Variants in GRIA2 observed in about 807,000 individuals in gnomAD.
GRIA2 encodes the protein glutamate ionotropic receptor AMPA type subunit 2, also known as glutamate receptor 2.
Under a neutral mutation model 97.3 loss-of-function variants are expected in GRIA2, and 14 were observed. The ratio of observed to expected loss-of-function variants is 0.14; its 90% CI spans 0.10 to 0.23. GRIA2 has a LOEUF of 0.23. Among genes scored for constraint, GRIA2 ranks in the 10% least tolerant of loss-of-function variants. GRIA2 has a pLI of 1.00. For missense variants in GRIA2, 558 were observed against 1,069.8 expected, an observed-to-expected ratio of 0.52 and a Z score of 6.67; for synonymous variants, 412 against 387.8, an observed-to-expected ratio of 1.06 and a Z score of -0.73.
At chr4:157,234,081 G>T (rs774089603) in intron 2 of GRIA2, among the ~76,000 whole-genome samples, 6 of 152,036 alleles carry the variant, frequency 3.9e-5, no homozygotes, top group Non-Finnish European at 7.4e-5. Context: ...CTATGACTTT[G>T]TATTAATCAG....
At chr4:157,352,878 G>A (rs1490251299) in intron 12 of GRIA2, among the ~76,000 whole-genome samples, 2 of 151,888 alleles carry the variant, frequency 1.3e-5, no homozygotes, top group Non-Finnish European at 1.5e-5. Flanking sequence ...GACCAGCATA[G>A]TGAAACCCTG....
At chr4:157,350,895 TG>T (rs1421706541) in intron 12 of GRIA2, among the ~76,000 whole-genome samples, 2 of 151,816 alleles carry the variant, frequency 1.3e-5, no homozygotes, top group African/African-American at 4.8e-5. Flanking sequence ...TGCCAGATTT[TG>T]CATTCACTCC....
intron 14 of GRIA2, chr4:157,362,290 C>T: frequency 2.4e-6 from 1 of 418,548 alleles, no homozygotes; most frequent in Non-Finnish European, 4.8e-6. Flanking sequence ...TTTATCTTAG[C>T]CATCTTAGTA....
intron 3 of GRIA2, among the ~76,000 whole-genome samples, chr4:157,307,279 C>T (rs1162870026): frequency 6.6e-6 from 1 of 152,220 alleles, no homozygotes; most frequent in East Asian, 1.9e-4. Flanking sequence ...TCCTGGCTAT[C>T]TGCCACAATG....
chr4:157,343,329 T>C (rs913123096), intron 12 of GRIA2, among the ~76,000 whole-genome samples: 1 of 152,082 alleles, frequency 6.6e-6, no homozygotes, highest in Non-Finnish European at 1.5e-5. Context: ...TTGATATCTG[T>C]GCATTATTAA....
At chr4:157,355,196 A>C (rs1736191664) in intron 12 of GRIA2, among the ~76,000 whole-genome samples, 1 of 152,204 alleles carries the variant, frequency 6.6e-6, no homozygotes, top group African/African-American at 2.4e-5. Flanking sequence ...ACTTGCTTAA[A>C]GAATGATTGT....
At chr4:157,330,446 G>A (rs754225359) in intron 6 of GRIA2, among the ~76,000 whole-genome samples, 1 of 151,780 alleles carries the variant, frequency 6.6e-6, no homozygotes, top group Admixed American at 6.6e-5. Context: ...AGAAAAAGGT[G>A]CCCGTCATTG....
chr4:157,363,465 G>C lies in GRIA2; in HGVS notation c.*34G>C, dbSNP rs1231138366. ...CTTGAATGATGCCATGAGGAACAAGGCAAGGCTGTCAATTACAGGAAGTAC... is the reference window on the plus strand; with the variant it reads ...CTTGAATGATGCCATGAGGAACAAGCCAAGGCTGTCAATTACAGGAAGTAC... On this transcript the variant is annotated 3_prime_UTR_variant, in exon 16 of 16. Coordinates refer to ENST00000264426, the MANE Select transcript of GRIA2 (RefSeq NM_001083619.3). The C allele has an allele frequency of 4.0e-6, 5 of 1,241,102 alleles. No individual in the cohort carries two copies. The highest frequency in any genetic ancestry group is 4.0e-6 in the Non-Finnish European group (4 of 991,712). The allele number at this position is 1,241,102 out of a possible 1,614,324, so 76.9% of individuals were successfully genotyped here.
intron 2 of GRIA2, among the ~76,000 whole-genome samples, chr4:157,260,982 T>G (rs1731504592): frequency 6.6e-6 from 1 of 152,100 alleles, no homozygotes; most frequent in South Asian, 2.1e-4. Flanking sequence ...TCTTATTCAT[T>G]GTTGAGGGCA....
intron 2 of GRIA2, among the ~76,000 whole-genome samples, chr4:157,297,782 TTTC>T (rs1285901901): frequency 6.9e-6 from 1 of 144,538 alleles, no homozygotes; most frequent in Non-Finnish European, 1.5e-5. Flanking sequence ...GTATTTCTTT[TTTC>T]TTTTTTTATT....
chr4:157,312,623 C>T (rs1184633920), intron 3 of GRIA2, 56 bp from the exon 4 acceptor site: 6 of 962,328 alleles, frequency 6.2e-6, no homozygotes, highest in African/African-American at 5.1e-5. Context: ...TTTCATAACA[C>T]AATCCTGAGT....
At chr4:157,327,598 G>A (rs1734860885) in intron 6 of GRIA2, among the ~76,000 whole-genome samples, 1 of 151,940 alleles carries the variant, frequency 6.6e-6, no homozygotes, top group South Asian at 2.1e-4. Flanking sequence ...TATTTTTAAT[G>A]TCTCCAACAT....
chr4:157,321,606 T>A lies in GRIA2; in HGVS notation c.882+7T>A. The A allele has an allele frequency of 6.3e-7, 1 of 1,596,254 alleles. No individual in the cohort carries two copies. Among genetic ancestry groups the A allele is most frequent in the Non-Finnish European group, 8.5e-7 (1 of 1,170,548 alleles). On this transcript the variant is annotated splice_region_variant and intron_variant, in intron 6 of 15. Transcript: ENST00000264426. ...TCACACAACAACAATTAAGGTTTGCTTTGGTTTCTGTCTTTTCTTTTTCTT... is the reference window on the plus strand; with the variant it reads ...TCACACAACAACAATTAAGGTTTGCATTGGTTTCTGTCTTTTCTTTTTCTT...
intron 3 of GRIA2, among the ~76,000 whole-genome samples, chr4:157,306,899 C>T (rs965301187): frequency 6.6e-6 from 1 of 152,120 alleles, no homozygotes; most frequent in Non-Finnish European, 1.5e-5. Context: ...GAAGAATGCA[C>T]CTGTGTTCCC....
At chr4:157,321,863 A>T (rs891278397) in intron 6 of GRIA2, among the ~76,000 whole-genome samples, 6 of 152,062 alleles carry the variant, frequency 3.9e-5, no homozygotes, top group Non-Finnish European at 7.4e-5. Flanking sequence ...TTATTAATCC[A>T]TTTGGCATTT....
intron 12 of GRIA2, among the ~76,000 whole-genome samples, chr4:157,355,052 TTGAC>T (rs959229886): frequency 3.9e-5 from 6 of 152,302 alleles, no homozygotes; most frequent in African/African-American, 1.2e-4. Flanking sequence ...TTGTTACTGA[TTGAC>T]TGAGAGTTAG....
At chr4:157,295,591 T>C (rs1172376749) in intron 2 of GRIA2, among the ~76,000 whole-genome samples, 2 of 152,140 alleles carry the variant, frequency 1.3e-5, no homozygotes, top group East Asian at 3.9e-4. Context: ...TTTTGAGAGA[T>C]GCTACACTGC....
rs1736862121 is a variant in GRIA2 at position 157,365,826 on chromosome 4, A to G, written c.*2395A>G. On this transcript the variant is annotated 3_prime_UTR_variant, in exon 16 of 16. Transcript: ENST00000264426. Reference sequence around the variant, plus strand: ...TGAACTATTCTTATGTAAATTTACAATTGTCCTTTACTGTACTTTTTTGTT... The same window carrying G: ...TGAACTATTCTTATGTAAATTTACAGTTGTCCTTTACTGTACTTTTTTGTT... 1 of 151,900 alleles carries G rather than the reference A, an allele frequency of 6.6e-6. No homozygotes were observed. 9.4% of individuals were successfully genotyped at this position (151,900 alleles called of 1,614,324 possible).
intron 2 of GRIA2, among the ~76,000 whole-genome samples, chr4:157,294,040 T>C (rs182471457): frequency 3.3e-4 from 51 of 152,266 alleles, no homozygotes; most frequent in African/African-American, 1.2e-3. Context: ...ATAAGTACTA[T>C]GGCACATGCG....
Sources: allele counts gnomAD v4.1 joint callset (sites outside exome capture counted in the v4.1 genomes callset), GRCh38; gene constraint gnomAD v4.1.1; transcripts MANE v1.5; gene names NCBI Gene and HGNC (gene_info 2026-07-23, HGNC 2026-07-21).